CCDC40: variants seen among roughly 807,000 people sequenced by gnomAD.
The protein encoded by CCDC40 is coiled-coil domain-containing protein 40.
In CCDC40, 104 loss-of-function variants were observed where a neutral mutation model predicts 124.5. That is an observed-to-expected ratio of 0.84 (90% CI 0.71 to 0.98). The LOEUF is 0.98. Ranked by LOEUF, CCDC40 falls within the 50% of genes least tolerant of loss-of-function variation. The probability of loss-of-function intolerance (pLI) is 0.00; values close to 1 mark genes in which losing one functional copy is unlikely to be tolerated. For missense variants in CCDC40, 1,463 were observed against 1,503.9 expected (o/e 0.97, Z 0.45); for synonymous variants, 580 against 602.9 (o/e 0.96, Z 0.56).
rs1288442420 is a variant in CCDC40, at chr17:80,099,784, C to G, written c.*9C>G. ...CACCAGGGCCCTCCTAGGGAGCAGCCTGGACTCCGCCTTGCAAGGCCTCCA... is the reference window on the plus strand; with the variant it reads ...CACCAGGGCCCTCCTAGGGAGCAGCGTGGACTCCGCCTTGCAAGGCCTCCA... On this transcript the variant is annotated 3_prime_UTR_variant, in exon 20 of 20. Transcript: ENST00000397545. The G allele has an allele frequency of 6.2e-7, 1 of 1,612,438 alleles. No homozygotes were observed. The highest frequency in any genetic ancestry group is 8.5e-7 in the Non-Finnish European group (1 of 1,179,834).
In CCDC40 at chr17:80,081,915, C is replaced by T. The variant is rs765427963; in HGVS notation, c.1846C>T (p.Gln616Ter). The change falls in exon 12 of 20, where the codon CAA becomes TAA. Residue 616 changes from glutamine (Q) to a stop codon, truncating the protein, a stop_gained. Coordinates refer to ENST00000397545, the MANE Select transcript of CCDC40 (RefSeq NM_017950.4). LOFTEE classifies it high-confidence loss of function. ...ILTEELQAIR[Q>*]AIQGELELRR... ...CACGGAGGAGTTGCAGGCCATCCGC[C>T]AAGCCATCCAGGGCGAGCTGGAGCT... 1.2e-6 allele frequency: 2 copies of T among 1,613,976 alleles called. No homozygotes were observed. The highest frequency in any genetic ancestry group is 1.7e-6 in the Non-Finnish European group (2 of 1,180,022).
chr17:80,067,218 T>C (rs993965052), intron 10 of CCDC40: 2 of 345,124 alleles, frequency 5.8e-6, no homozygotes, highest in Non-Finnish European at 1.1e-5. Context: ...GACTAACCAG[T>C]GTCCTCTCTG....
In CCDC40 at chr17:80,070,582, C is replaced by T. The variant is rs139979509; in HGVS notation, c.1562+4976C>T. Among the ~76,000 whole-genome samples the T allele has an allele frequency of 2.4e-4, 37 of 152,268 alleles. No individual in the cohort carries two copies. In the East Asian group the frequency reaches 5.6e-3, roughly 23 times the overall value. On this transcript the variant is annotated intron_variant, in intron 10 of 19. Coordinates refer to ENST00000397545, the MANE Select transcript of CCDC40 (RefSeq NM_017950.4). The stretch of plus-strand genomic sequence containing the variant: ...CACGAATGCACTCCAGCCTGGGCAA[C>T]AGAGCAAGACCCTGTCTCTCAAAAA...
At position 80,097,309 on chromosome 17, in the gene CCDC40, C is replaced by T. The variant is rs760397607; in HGVS notation, c.3086C>T (p.Ser1029Phe). The T allele has an allele frequency of 5.0e-6, 8 of 1,613,850 alleles. No homozygotes were observed. The East Asian group carries it at 6.7e-5, about 13-fold the overall frequency. The change falls in exon 19 of 20, where the codon TCC becomes TTC. Residue 1029 changes from serine (S) to phenylalanine (F), a missense_variant. By Grantham distance (155) the Ser-to-Phe change is radical (BLOSUM62 -2). Transcript: ENST00000397545. Reference protein sequence around the residue: ...LEETQRNVSSSLLEKQEKLSV... With the variant: ...LEETQRNVSSFLLEKQEKLSV... ...GAAACACAAAGAAATGTGAGCAGCTCCCTCCTAGAGAAGCAGGAAAAGCTG... is the reference window on the plus strand; with the variant it reads ...GAAACACAAAGAAATGTGAGCAGCTTCCTCCTAGAGAAGCAGGAAAAGCTG...
intron 7 of CCDC40, among the ~76,000 whole-genome samples, chr17:80,056,016 A>ATATATTTTTTTTT (rs71163913): frequency 2.9e-4 from 3 of 10,252 alleles, no homozygotes; most frequent in African/African-American, 7.0e-4. Context: ...ATATATATAT[A>ATATATTTTTTTTT]TTTTTTTTTT....
At chr17:80,096,433 G>A (rs1030633506) in intron 18 of CCDC40, among the ~76,000 whole-genome samples, 4 of 152,184 alleles carry the variant, frequency 2.6e-5, no homozygotes, top group East Asian at 1.9e-4. Context: ...GGAGAGAGGC[G>A]GCAGAGTGGC....
chr17:80,072,315 A>G (rs771777077), intron 10 of CCDC40, among the ~76,000 whole-genome samples: 5 of 152,192 alleles, frequency 3.3e-5, no homozygotes, highest in Non-Finnish European at 5.9e-5. Context: ...GTTACAGGAC[A>G]TTTGAAAAAC....
intron 9 of CCDC40, among the ~76,000 whole-genome samples, chr17:80,063,920 C>G (rs2037968230): frequency 6.6e-6 from 1 of 152,156 alleles, no homozygotes; most frequent in Non-Finnish European, 1.5e-5. Context: ...TTGATTCAAG[C>G]AGTACACATT....
chr17:80,036,741 T>C, intron 1 of CCDC40, 50 bp downstream of exon 1: 1 of 1,454,468 alleles, frequency 6.9e-7, no homozygotes, highest in South Asian at 1.3e-5. Flanking sequence ...GGCCGCGCTC[T>C]CCGTTCACCG....
intron 10 of CCDC40, among the ~76,000 whole-genome samples, chr17:80,081,021 G>T (rs371792978): frequency 6.6e-6 from 1 of 152,090 alleles, no homozygotes; most frequent in African/African-American, 2.4e-5. Context: ...TCAAAATATC[G>T]CATGTACCTC....
chr17:80,065,335 G>GTT (rs1157514805), intron 9 of CCDC40, 150 bp from the exon 10 acceptor site: 1 of 1,085,854 alleles, frequency 9.2e-7, no homozygotes, highest in African/African-American at 1.6e-5. Context: ...TCAGGCTCGT[G>GTT]TTTACCCCTC....
intron 10 of CCDC40, among the ~76,000 whole-genome samples, chr17:80,078,255 T>C (rs1252807910): frequency 2.1e-5 from 3 of 139,824 alleles, no homozygotes; most frequent in Admixed American, 8.1e-5. Flanking sequence ...GGCATGAACC[T>C]GGGAGGCGGA....
intron 7 of CCDC40, among the ~76,000 whole-genome samples, chr17:80,052,565 T>A (rs904708975): frequency 7.3e-5 from 11 of 151,570 alleles, no homozygotes; most frequent in Admixed American, 2.0e-4. Context: ...AAGTTGACAC[T>A]CAGTATTAAC....
chr17:80,094,587 C>CT (rs2038775059), intron 17 of CCDC40, among the ~76,000 whole-genome samples: 2 of 151,896 alleles, frequency 1.3e-5, no homozygotes, highest in Non-Finnish European at 2.9e-5. Flanking sequence ...CCTAGCTACT[C>CT]AGGAGGCTGA....
At chr17:80,094,178 G>A (rs1029651973) in intron 17 of CCDC40, among the ~76,000 whole-genome samples, 12 of 151,572 alleles carry the variant, frequency 7.9e-5, no homozygotes, top group Non-Finnish European at 1.3e-4. Flanking sequence ...TTGGGAGGCC[G>A]AGGCGGGTGG....
At chr17:80,052,755 A>C (rs1463291640) in intron 7 of CCDC40, among the ~76,000 whole-genome samples, 1 of 152,192 alleles carries the variant, frequency 6.6e-6, no homozygotes, top group East Asian at 1.9e-4. Context: ...TAAAGAGAAC[A>C]AAGTGTTAGG....
intron 7 of CCDC40, among the ~76,000 whole-genome samples, chr17:80,056,016 A>ATTT (rs1193599741): frequency 9.8e-5 from 1 of 10,252 alleles, no homozygotes; most frequent in Non-Finnish European, 1.6e-4. Context: ...ATATATATAT[A>ATTT]TTTTTTTTTT....
chr17:80,065,708 C>A, intron 10 of CCDC40, 102 bp downstream of exon 10: 1 of 1,486,038 alleles, frequency 6.7e-7, no homozygotes, highest in Non-Finnish European at 9.3e-7. Flanking sequence ...ATCTCTGGGA[C>A]AGAGGGTGCA....
chr17:80,065,753 G>C, intron 10 of CCDC40, 147 bp downstream of exon 10: 1 of 1,091,204 alleles, frequency 9.2e-7, no homozygotes. Flanking sequence ...CGTCCGGAAA[G>C]CTCCCTCATT....
Sources: gnomAD v4.1 joint callset for allele counts (sites outside exome capture counted in the v4.1 genomes callset) on GRCh38, gnomAD v4.1.1 for gene constraint, MANE v1.5 for transcripts, NCBI Gene and HGNC (gene_info 2026-07-23, HGNC 2026-07-21) for gene names.